Variants in MEGF6 observed in about 807,000 individuals in gnomAD.
MEGF6 encodes multiple epidermal growth factor-like domains protein 6.
In MEGF6, 184 loss-of-function variants were observed where a neutral mutation model predicts 207.1. That is an observed-to-expected ratio of 0.89 (90% CI 0.79 to 1.00). The LOEUF (loss-of-function observed/expected upper bound fraction) is 1.00. Ranked by LOEUF, MEGF6 falls within the 50% of genes least tolerant of loss-of-function variation. The probability of loss-of-function intolerance (pLI) is 0.00; values close to 1 mark genes in which losing one functional copy is unlikely to be tolerated. For missense variants in MEGF6, 2,282 were observed against 2,202.9 expected, an observed-to-expected ratio of 1.04 and a Z score of -0.72; for synonymous variants, 1,038 against 910.0, an observed-to-expected ratio of 1.14 and a Z score of -2.53.
chr1:3,605,694 AC>A (rs1644240028), intron 1 of MEGF6, among the ~76,000 whole-genome samples: 1 of 152,094 alleles, frequency 6.6e-6, no homozygotes, highest in Admixed American at 6.5e-5. Flanking sequence ...ACACATATGC[AC>A]TCTCAAACTC....
At chr1:3,496,809 G>A (rs922487976) in intron 28 of MEGF6, 26 bp from the exon 29 acceptor site, 7 of 1,547,520 alleles carry the variant, frequency 4.5e-6, no homozygotes, top group African/African-American at 4.1e-5. Context: ...CTAGCTGCAG[G>A]GGCTGGGGCT....
Position 3,582,448 on chromosome 1 carries a change from C to T in MEGF6, c.377-2519G>A, listed in dbSNP as rs555209101. ...GTATCTTGAACACACCCACGTCTCTCCACCTCGTCTCCTCCATGACACCAA... is the reference window on the plus strand; with the variant it reads ...GTATCTTGAACACACCCACGTCTCTTCACCTCGTCTCCTCCATGACACCAA... On this transcript the variant is annotated intron_variant, in intron 3 of 36. Coordinates refer to ENST00000356575, the MANE Select transcript of MEGF6 (RefSeq NM_001409.4). 2.0e-5 allele frequency among the ~76,000 whole-genome samples: 3 copies of T among 152,316 alleles called. No homozygotes were observed. The East Asian group carries it at 5.8e-4, about 29-fold the overall frequency.
intron 2 of MEGF6, among the ~76,000 whole-genome samples, chr1:3,601,066 G>A (rs1465819153): frequency 3.3e-5 from 5 of 152,166 alleles, no homozygotes; most frequent in African/African-American, 1.2e-4. Flanking sequence ...GTCCACGGCT[G>A]CCCCCAGTGC....
rs954393898 is a variant in MEGF6 at position 3,489,564 on chromosome 1, C to T, written c.*964G>A. The stretch of plus-strand genomic sequence containing the variant: ...TGTCCTCACCCAGGGAGTCCCTGCC[C>T]CTGCGATGCTGCCCTCCCCCCACTG... On this transcript the variant is annotated 3_prime_UTR_variant, in exon 37 of 37. Transcript: ENST00000356575. Among the ~76,000 whole-genome samples, 3 of 152,184 alleles carry T rather than the reference C, an allele frequency of 2.0e-5. No individual in the cohort carries two copies. The highest frequency in any genetic ancestry group is 4.4e-5 in the Non-Finnish European group (3 of 68,016).
intron 3 of MEGF6, among the ~76,000 whole-genome samples, chr1:3,593,264 C>G (rs1218008224): frequency 6.6e-6 from 1 of 152,164 alleles, no homozygotes; most frequent in Non-Finnish European, 1.5e-5. Context: ...GACCCAGCAG[C>G]CCCTGCCCTC....
chr1:3,583,130 C>T (rs1448834740), intron 3 of MEGF6, among the ~76,000 whole-genome samples: 1 of 152,182 alleles, frequency 6.6e-6, no homozygotes, highest in Non-Finnish European at 1.5e-5. Context: ...CATGGACTTG[C>T]TCCCAAGGGG....
intron 35 of MEGF6, among the ~76,000 whole-genome samples, chr1:3,491,183 C>G (rs961282456): frequency 6.6e-6 from 1 of 152,022 alleles, no homozygotes; most frequent in East Asian, 1.9e-4. Flanking sequence ...CTCCAAGCCT[C>G]TACTACCCGC....
the MEGF6 span, among the ~76,000 whole-genome samples, chr1:3,621,186 C>A: frequency 6.6e-6 from 1 of 152,330 alleles, no homozygotes; most frequent in African/African-American, 2.4e-5. Context: ...GTAGAGTCTT[C>A]TCTAAACTCC....
At chr1:3,578,592 C>T (rs1295871603) in intron 4 of MEGF6, among the ~76,000 whole-genome samples, 1 of 152,248 alleles carries the variant, frequency 6.6e-6, no homozygotes, top group Middle Eastern at 3.4e-3. Flanking sequence ...TCCATGGTCA[C>T]TGCAGCAGCC....
rs747463130 is a variant in MEGF6, at chr1:3,499,671, T to C, written c.2882A>G (p.Asn961Ser). 1.3e-6 allele frequency: 2 copies of C among 1,599,522 alleles called. No individual in the cohort carries two copies. Among genetic ancestry groups the C allele is most frequent in the East Asian group, 2.3e-5 (1 of 44,282 alleles). ...FFGLDCRSAC[N>S]CTAGAACDAV... The stretch of plus-strand genomic sequence containing the variant: ...ATCACAGGCAGCTCCGGCGGTGCAG[T>C]TGCAGGCACTGCGACAGTCCAATCC... Residue 961 changes from asparagine to serine, a missense_variant, in exon 23 of 37, where the codon AAC (asparagine) becomes AGC (serine). Physicochemically the swap from Asn to Ser is conservative, Grantham distance 46. Transcript: ENST00000356575.
Position 3,501,489 on chromosome 1 carries a change from G to A in MEGF6, c.2315-181C>T, listed in dbSNP as rs116845611. Among the ~76,000 whole-genome samples, 68 of 152,080 alleles carry A rather than the reference G, an allele frequency of 4.5e-4. No homozygotes were observed. In the East Asian group the frequency reaches 0.01, roughly 23 times the overall value. On this transcript the variant is annotated intron_variant, in intron 18 of 36. Transcript: ENST00000356575. ...CCTGGGGCTGCAGGCTGCGGGGTGC[G>A]CACCCACAGTAGAGGACCCCCAGCC...
intron 4 of MEGF6, among the ~76,000 whole-genome samples, chr1:3,567,634 T>TA (rs1450297347): frequency 6.6e-6 from 1 of 152,166 alleles, no homozygotes; most frequent in Non-Finnish European, 1.5e-5. Context: ...CAGCCTGGCC[T>TA]AGCTCCTTGG....
chr1:3,543,492 T>C (rs1242960352), intron 4 of MEGF6, among the ~76,000 whole-genome samples: 1 of 152,236 alleles, frequency 6.6e-6, no homozygotes, highest in African/African-American at 2.4e-5. Flanking sequence ...TCCTGGCCTT[T>C]GGCAGGGCCC....
chr1:3,622,292 A>G, the MEGF6 span, among the ~76,000 whole-genome samples: 2 of 152,084 alleles, frequency 1.3e-5, no homozygotes, highest in African/African-American at 4.8e-5. Context: ...AGTTCTCACA[A>G]GATCTGATGG....
intron 26 of MEGF6, chr1:3,497,649 G>T: frequency 1.6e-6 from 1 of 608,662 alleles, no homozygotes. Flanking sequence ...ATAGGGCTGA[G>T]AGCTCAGCCT....
intron 4 of MEGF6, among the ~76,000 whole-genome samples, chr1:3,578,922 G>C (rs536176216): frequency 1.9e-4 from 28 of 151,258 alleles, no homozygotes; most frequent in African/African-American, 6.6e-4. Context: ...GAGTGGGCAG[G>C]GGTGTCCTTC....
chr1:3,531,820 G>A (rs1221754773), intron 4 of MEGF6, among the ~76,000 whole-genome samples: 1 of 151,964 alleles, frequency 6.6e-6, no homozygotes, highest in Admixed American at 6.5e-5. Flanking sequence ...GCGGGGCGGG[G>A]GAGGGGGGCC....
chr1:3,531,374 G>C (rs1557754956), intron 4 of MEGF6: 1 of 1,179,586 alleles, frequency 8.5e-7, no homozygotes, highest in African/African-American at 1.6e-5. Context: ...TCCCAGCCCC[G>C]GGATCCGCTC....
chr1:3,523,772 G>A (rs895242143), intron 5 of MEGF6, among the ~76,000 whole-genome samples: 4 of 152,206 alleles, frequency 2.6e-5, no homozygotes, highest in Non-Finnish European at 2.9e-5. Flanking sequence ...TGATAACCAC[G>A]GCAGCTTCTG....
Sources: gnomAD v4.1 joint callset for allele counts (sites outside exome capture counted in the v4.1 genomes callset) on GRCh38, gnomAD v4.1.1 for gene constraint, MANE v1.5 for transcripts, NCBI Gene and HGNC (gene_info 2026-07-23, HGNC 2026-07-21) for gene names.